The following SSH2 variants were observed in gnomAD, a reference collection of about 807,000 sequenced individuals.
SSH2 encodes the protein slingshot protein phosphatase 2.
SSH2 carries 37 observed loss-of-function variants against 135.2 expected under a neutral mutation model. The observed-to-expected ratio is 0.27, with a 90% CI of 0.21 to 0.36. SSH2 has a LOEUF of 0.36. Among genes scored for constraint, SSH2 ranks in the 10% least tolerant of loss-of-function variants. The probability of loss-of-function intolerance (pLI) is 1.00; values close to 1 mark genes in which losing one functional copy is unlikely to be tolerated. For missense variants in SSH2, 1,408 were observed against 1,765.3 expected (o/e 0.80, Z 3.63); for synonymous variants, 628 against 646.2 (o/e 0.97, Z 0.43).
At chr17:29,721,582 T>A (rs1032999475) in intron 3 of SSH2, among the ~76,000 whole-genome samples, 1 of 152,174 alleles carries the variant, frequency 6.6e-6, no homozygotes, top group Non-Finnish European at 1.5e-5. Flanking sequence ...ACTTCCTAAG[T>A]CATCAGGGGA....
chr17:29,636,054 C>T lies in SSH2; in HGVS notation c.2176G>A (p.Val726Met), dbSNP rs191890918. Residue 726 changes from valine to methionine, a missense_variant, in exon 15 of 16, where the codon GTG becomes ATG. Physicochemically the swap from Val to Met is conservative, Grantham distance 21. This residue lies in a region of SSH2 where 1,080 missense variants were observed against 1,144.5 expected (regional missense o/e 0.94). Coordinates refer to ENST00000540801, the MANE Select transcript of SSH2 (RefSeq NM_001282129.2). ...CTGCTTCTCTGGTCATCAGCTGTCACTTTGGAAGGGGCTACTTCTACCACT... is the reference window on the plus strand; with the variant it reads ...CTGCTTCTCTGGTCATCAGCTGTCATTTTGGAAGGGGCTACTTCTACCACT... Reference protein sequence around the residue: ...LSVVEVAPSKVTADDQRSSSL... With the variant: ...LSVVEVAPSKMTADDQRSSSL... 1 of 1,614,226 alleles carries T rather than the reference C, an allele frequency of 6.2e-7. No individual in the cohort carries two copies. Among genetic ancestry groups the T allele is most frequent in the East Asian group, 2.2e-5 (1 of 44,880 alleles).
At chr17:29,879,021 T>G (rs1398539374) in intron 1 of SSH2, among the ~76,000 whole-genome samples, 2 of 152,212 alleles carry the variant, frequency 1.3e-5, no homozygotes, top group Non-Finnish European at 2.9e-5. Context: ...AATTGGTGGC[T>G]AAATTACATG....
intron 12 of SSH2, among the ~76,000 whole-genome samples, chr17:29,652,476 G>A (rs2036617721): frequency 6.6e-6 from 1 of 151,918 alleles, no homozygotes; most frequent in African/African-American, 2.4e-5. Context: ...TGGTTGCACG[G>A]CTCTATGAAT....
intron 9 of SSH2, among the ~76,000 whole-genome samples, chr17:29,668,304 T>C (rs189719548): frequency 6.6e-6 from 1 of 152,244 alleles, no homozygotes; most frequent in African/African-American, 2.4e-5. Context: ...ATACAGCTAA[T>C]ACCTGAGCTG....
At position 29,930,049 on chromosome 17, in the gene SSH2, G is replaced by T; in HGVS notation, c.-49C>A. 15 of 1,539,336 alleles carry T rather than the reference G, an allele frequency of 9.7e-6. No individual in the cohort carries two copies. Among genetic ancestry groups the T allele is most frequent in the East Asian group, 2.4e-5 (1 of 41,628 alleles). Reference sequence around the variant, plus strand: ...GGCAGGGCATTCTTGTCCTGAGTGTGGGGGACGGGAGGGTGACGGAGCCGG... The same window carrying T: ...GGCAGGGCATTCTTGTCCTGAGTGTTGGGGACGGGAGGGTGACGGAGCCGG... On this transcript the variant is annotated 5_prime_UTR_variant, in exon 1 of 16. Coordinates refer to ENST00000540801, the MANE Select transcript of SSH2 (RefSeq NM_001282129.2).
At chr17:29,788,024 C>T (rs916808495) in intron 3 of SSH2, among the ~76,000 whole-genome samples, 3 of 152,082 alleles carry the variant, frequency 2.0e-5, no homozygotes, top group African/African-American at 7.2e-5. Context: ...TCACTGCATT[C>T]GGCCTTGAGC....
At chr17:29,778,276 G>T (rs1435669001) in intron 3 of SSH2, among the ~76,000 whole-genome samples, 3 of 152,164 alleles carry the variant, frequency 2.0e-5, no homozygotes, top group African/African-American at 7.2e-5. Flanking sequence ...GAGAGAGAAA[G>T]TCCAGCTGAA....
At position 29,745,284 on chromosome 17, in the gene SSH2, C is replaced by T. The variant is rs559963699; in HGVS notation, c.189-42222G>A. On this transcript the variant is annotated intron_variant, in intron 3 of 15. Transcript: ENST00000540801. Reference sequence around the variant, plus strand: ...AAGCGATTCTCATGCTTCAGCCTCCCGAGTAGCGGGGATTACAGGCGCCCA... The same window carrying T: ...AAGCGATTCTCATGCTTCAGCCTCCTGAGTAGCGGGGATTACAGGCGCCCA... 2.6e-5 allele frequency among the ~76,000 whole-genome samples: 4 copies of T among 152,116 alleles called. No homozygotes were observed. The East Asian group carries it at 7.7e-4, about 29-fold the overall frequency.
intron 1 of SSH2, among the ~76,000 whole-genome samples, chr17:29,896,942 G>A (rs897994318): frequency 2.0e-5 from 3 of 151,642 alleles, no homozygotes; most frequent in African/African-American, 7.3e-5. Context: ...GAACAAGAAA[G>A]GTTCCTGACC....
In SSH2 at chr17:29,636,523, A is replaced by T; in HGVS notation, c.1707T>A (p.Ile569=). Residue 569 remains isoleucine (I), a synonymous_variant, in exon 15 of 16, where the codon ATT becomes ATA. Transcript: ENST00000540801. ...FTSREFHAGQ[I]EDELNLNDIN... ...TGTCATTTAAGTTTAATTCATCCTC[A>T]ATCTGTCCAGCATGAAATTCCCTAG... 1 of 1,614,192 alleles carries T rather than the reference A, an allele frequency of 6.2e-7. No homozygotes were observed. The highest frequency in any genetic ancestry group is 8.5e-7 in the Non-Finnish European group (1 of 1,180,036).
At chr17:29,713,422 G>A (rs1218614254) in intron 3 of SSH2, among the ~76,000 whole-genome samples, 1 of 152,180 alleles carries the variant, frequency 6.6e-6, no homozygotes, top group Non-Finnish European at 1.5e-5. Flanking sequence ...TCACTGCAAA[G>A]CTTGGTATGA....
At chr17:29,767,897 G>C (rs2041484611) in intron 3 of SSH2, among the ~76,000 whole-genome samples, 1 of 151,862 alleles carries the variant, frequency 6.6e-6, no homozygotes, top group Admixed American at 6.6e-5. Flanking sequence ...GTCATGACAG[G>C]GATATTGAAA....
At chr17:29,891,653 T>C (rs975299244) in intron 1 of SSH2, among the ~76,000 whole-genome samples, 13 of 150,712 alleles carry the variant, frequency 8.6e-5, no homozygotes, top group African/African-American at 2.2e-4. Context: ...CCAAAGGTAA[T>C]TGCAGAATTT....
intron 3 of SSH2, among the ~76,000 whole-genome samples, chr17:29,732,129 A>G (rs1056588377): frequency 3.3e-5 from 5 of 152,168 alleles, no homozygotes; most frequent in Non-Finnish European, 7.4e-5. Context: ...GTCCCCTAGA[A>G]AAGTCATTTT....
At chr17:29,722,273 CAAA>C (rs541297774) in intron 3 of SSH2, among the ~76,000 whole-genome samples, 15 of 92,810 alleles carry the variant, frequency 1.6e-4, no homozygotes, top group African/African-American at 2.0e-4. Context: ...GACATTATCT[CAAA>C]AAAAAAAAAA....
intron 1 of SSH2, among the ~76,000 whole-genome samples, chr17:29,925,903 A>G (rs761020520): frequency 6.6e-6 from 1 of 152,210 alleles, no homozygotes; most frequent in Non-Finnish European, 1.5e-5. Context: ...CATTTTTTAA[A>G]ATAAAAAAGT....
At chr17:29,898,574 C>A (rs1599161130) in intron 1 of SSH2, among the ~76,000 whole-genome samples, 2 of 152,132 alleles carry the variant, frequency 1.3e-5, no homozygotes, top group African/African-American at 4.8e-5. Context: ...CCCAAGACTA[C>A]ACCAGGAAGA....
chr17:29,649,409 T>C (rs111742425), intron 13 of SSH2, among the ~76,000 whole-genome samples: 1 of 152,044 alleles, frequency 6.6e-6, no homozygotes. Flanking sequence ...GTTTTTTTTT[T>C]TCTTCCCCCT....
intron 1 of SSH2, among the ~76,000 whole-genome samples, chr17:29,913,349 TATATATA>T (rs1399320731): frequency 1.2e-4 from 2 of 16,606 alleles, no homozygotes; most frequent in Non-Finnish European, 2.1e-4. Context: ...AAAAAAAAAA[TATATATA>T]TATATATATA....
Sources: gnomAD v4.1 joint callset for allele counts (sites outside exome capture counted in the v4.1 genomes callset) on GRCh38, gnomAD v4.1.1 for gene constraint, gnomAD v4.1.1 regional missense constraint, MANE v1.5 for transcripts, NCBI Gene and HGNC (gene_info 2026-07-23, HGNC 2026-07-21) for gene names.